RSPO4: variants seen among roughly 807,000 people sequenced by gnomAD.
The protein encoded by RSPO4 is R-spondin 4.
A neutral mutation model predicts 24.8 loss-of-function variants in RSPO4; 23 were observed. The observed-to-expected ratio is 0.93, with a 90% CI of 0.67 to 1.31. The LOEUF is 1.31. Among genes scored for constraint, RSPO4 ranks in the 40% most tolerant of loss-of-function variants. The pLI is 0.00. For missense variants in RSPO4, 333 were observed against 316.5 expected (o/e 1.05, Z -0.39); for synonymous variants, 141 against 127.4 (o/e 1.11, Z -0.72).
intron 1 of RSPO4, among the ~76,000 whole-genome samples, chr20:977,186 C>T (rs1984592247): frequency 6.6e-6 from 1 of 152,198 alleles, no homozygotes; most frequent in African/African-American, 2.4e-5. Flanking sequence ...GGCTGCTGGG[C>T]CTTACCCTAG....
In RSPO4 at chr20:960,456, G is replaced by T. The variant is rs866145059; in HGVS notation, c.606C>A (p.Pro202=). 9.7e-6 allele frequency: 15 copies of T among 1,538,954 alleles called. No homozygotes were observed. Among genetic ancestry groups the T allele is most frequent in the Non-Finnish European group, 1.3e-5 (15 of 1,146,816 alleles). The change falls in exon 5 of 5, where the codon CCC becomes CCA. Residue 202 remains proline, a synonymous_variant. Coordinates refer to ENST00000217260, the MANE Select transcript of RSPO4 (RefSeq NM_001029871.4). ...IQRPCPGERS[P]GQKKGRKDRR... Reference sequence around the variant, plus strand: ...GGTCCTTCCTGCCCTTCTTCTGGCCGGGGCTCCTCTCTGCAATGAGAGGAC... The same window carrying T: ...GGTCCTTCCTGCCCTTCTTCTGGCCTGGGCTCCTCTCTGCAATGAGAGGAC...
Position 959,830 on chromosome 20 carries a change from C to T in RSPO4, c.*527G>A, listed in dbSNP as rs1392508768. The T allele has an allele frequency of 1.3e-5, 2 of 158,394 alleles. No homozygotes were observed. The highest frequency in any genetic ancestry group is 4.8e-5 in the African/African-American group (2 of 41,482). 9.8% of individuals were successfully genotyped at this position (158,394 alleles called of 1,614,324 possible). ...ACAGCTCAGGGTCCTGGAGCCTCCC[C>T]CAGAGCAGAAGCAGGGCCTTCAGGA... is the stretch of plus-strand genomic sequence containing the variant. On this transcript the variant is annotated 3_prime_UTR_variant, in exon 5 of 5. Transcript: ENST00000217260.
intron 2 of RSPO4, 107 bp from the exon 3 acceptor site, chr20:967,421 A>T: frequency 3.2e-6 from 4 of 1,238,762 alleles, no homozygotes; most frequent in Admixed American, 1.7e-5. Context: ...GCTTGGTAGC[A>T]TTTGGGTCAG....
intron 1 of RSPO4, among the ~76,000 whole-genome samples, chr20:971,038 T>C (rs1190094749): frequency 1.3e-5 from 2 of 152,164 alleles, no homozygotes; most frequent in Non-Finnish European, 1.5e-5. Flanking sequence ...ACAGATGGTC[T>C]CTCTCTGTTT....
chr20:1,002,275 C>G lies in RSPO4; in HGVS notation c.-111G>C. 1.9e-6 allele frequency: 1 copy of G among 514,450 alleles called. No homozygotes were observed. Among genetic ancestry groups the G allele is most frequent in the Non-Finnish European group, 2.7e-6 (1 of 373,090 alleles). The allele number at this position is 514,450 out of a possible 1,614,324, so 31.9% of individuals were successfully genotyped here. On this transcript the variant is annotated 5_prime_UTR_variant, in exon 1 of 5. The change abolishes an upstream ATG in the 5' untranslated region. Coordinates refer to ENST00000217260, the MANE Select transcript of RSPO4 (RefSeq NM_001029871.4). This position sits in a 1 kb window ranked among gnomAD's most constrained non-coding sequence, Gnocchi z 4.6. ...GGGGCTGCTGTGGGCGCGCCGGGCG[C>G]ATCCGCCAGGCGCGGGTCGGTCCGG...
intron 3 of RSPO4, among the ~76,000 whole-genome samples, chr20:965,864 C>T (rs563553574): frequency 2.0e-5 from 3 of 152,202 alleles, no homozygotes; most frequent in South Asian, 2.1e-4. Flanking sequence ...TGTAATGTGT[C>T]TCCAGCACCT....
chr20:961,933 CACCTAATCATCCACCT>C (rs1984012607), intron 4 of RSPO4, among the ~76,000 whole-genome samples: 1 of 152,070 alleles, frequency 6.6e-6, no homozygotes, highest in African/African-American at 2.4e-5. Context: ...CCTACCCACC[CACCTAATCATCCACCT>C]ACCTACTCAT....
chr20:971,616 G>A lies in RSPO4; in HGVS notation c.80-3478C>T, dbSNP rs115001028. ...CTGAGAGGAAAAAAGCAAGGTGCACGATGAATCATATAGTAAGAGCCATTT... is the reference window on the plus strand; with the variant it reads ...CTGAGAGGAAAAAAGCAAGGTGCACAATGAATCATATAGTAAGAGCCATTT... On this transcript the variant is annotated intron_variant, in intron 1 of 4. Coordinates refer to ENST00000217260, the MANE Select transcript of RSPO4 (RefSeq NM_001029871.4). Among the ~76,000 whole-genome samples, 442 of 152,244 alleles carry A rather than the reference G, an allele frequency of 2.9e-3. 5 individuals carry two copies. The highest frequency in any genetic ancestry group is 0.01 in the African/African-American group (430 of 41,532).
intron 1 of RSPO4, among the ~76,000 whole-genome samples, chr20:975,658 C>G (rs369863883): frequency 6.6e-6 from 1 of 152,138 alleles, no homozygotes; most frequent in East Asian, 1.9e-4. Context: ...ACTCTGAATG[C>G]GTGCATTAAC....
At chr20:965,592 G>C (rs936537414) in intron 3 of RSPO4, among the ~76,000 whole-genome samples, 1 of 152,244 alleles carries the variant, frequency 6.6e-6, no homozygotes, top group Non-Finnish European at 1.5e-5. Context: ...GCGGGAGACG[G>C]GCAGGAGCTG....
At chr20:995,648 G>A (rs1985255924) in intron 1 of RSPO4, among the ~76,000 whole-genome samples, 2 of 152,192 alleles carry the variant, frequency 1.3e-5, no homozygotes, top group Admixed American at 6.5e-5. Flanking sequence ...TCCAGAGACA[G>A]ACTCTCTGGG....
chr20:1,001,187 G>A (rs776594828), intron 1 of RSPO4, among the ~76,000 whole-genome samples: 1 of 152,180 alleles, frequency 6.6e-6, no homozygotes, highest in African/African-American at 2.4e-5. Context: ...TGAAAAACCC[G>A]TGGCATAGTG....
At chr20:960,685 G>A (rs756017007) in intron 4 of RSPO4, among the ~76,000 whole-genome samples, 4 of 152,230 alleles carry the variant, frequency 2.6e-5, no homozygotes, top group Admixed American at 6.5e-5. Context: ...AGGGAGTGGC[G>A]AGGGCCACTA....
chr20:980,244 C>A (rs901862815), intron 1 of RSPO4, among the ~76,000 whole-genome samples: 1 of 152,110 alleles, frequency 6.6e-6, no homozygotes, highest in Non-Finnish European at 1.5e-5. Context: ...CAGGTTGCCA[C>A]ACTGCAGCCT....
intron 3 of RSPO4, 24 bp downstream of exon 3, chr20:967,150 C>T: frequency 6.2e-7 from 1 of 1,608,790 alleles, no homozygotes; most frequent in Non-Finnish European, 8.5e-7. Context: ...GGGGCAGGGG[C>T]AGGGCGGGGA....
chr20:996,314 T>C (rs1226680989), intron 1 of RSPO4, among the ~76,000 whole-genome samples: 2 of 152,222 alleles, frequency 1.3e-5, no homozygotes, highest in East Asian at 1.9e-4. Context: ...TGCTGATGCA[T>C]TGTAAACCTC....
At position 960,484 on chromosome 20, in the gene RSPO4, AGCCCGGT is replaced by A. The variant is rs1983957664; in HGVS notation, c.596-25_596-19del. On this transcript the variant is annotated intron_variant, in intron 4 of 4. Coordinates refer to ENST00000217260, the MANE Select transcript of RSPO4 (RefSeq NM_001029871.4). ...GCTCCTCTCTGCAATGAGAGGACAGAGCCCGGTGACCAAGGCTGCAGGGCCAGTTAGG... is the reference window on the plus strand; with the variant it reads ...GCTCCTCTCTGCAATGAGAGGACAGAGACCAAGGCTGCAGGGCCAGTTAGG... 6.5e-7 allele frequency: 1 copy of A among 1,527,302 alleles called. No individual in the cohort carries two copies. The highest frequency in any genetic ancestry group is 1.2e-5 in the South Asian group (1 of 83,862). The allele number at this position is 1,527,302 out of a possible 1,614,324, so 94.6% of individuals were successfully genotyped here.
intron 1 of RSPO4, among the ~76,000 whole-genome samples, chr20:973,509 T>G (rs968681048): frequency 6.6e-6 from 1 of 152,104 alleles, no homozygotes; most frequent in African/African-American, 2.4e-5. Context: ...AGCCTCACTC[T>G]GTTGCCCAGA....
intron 1 of RSPO4, among the ~76,000 whole-genome samples, chr20:982,067 C>A (rs1024325315): frequency 1.3e-5 from 2 of 152,168 alleles, no homozygotes; most frequent in Non-Finnish European, 2.9e-5. Flanking sequence ...TCAGAAAAAT[C>A]ATATTAAAGA....
Sources: allele counts gnomAD v4.1 joint callset (sites outside exome capture counted in the v4.1 genomes callset), GRCh38; gene constraint gnomAD v4.1.1; non-coding constraint Gnocchi (gnomAD v3.1); transcripts MANE v1.5; gene names NCBI Gene and HGNC (gene_info 2026-07-23, HGNC 2026-07-21).